The following ARID4B variants were observed in gnomAD, a reference collection of about 807,000 sequenced individuals.
The protein encoded by ARID4B is AT-rich interactive domain-containing protein 4B.
A neutral mutation model predicts 147.5 loss-of-function variants in ARID4B; 26 were observed. The ratio of observed to expected loss-of-function variants is 0.18; its 90% CI spans 0.13 to 0.24. ARID4B has a LOEUF of 0.24. ARID4B is among the 10% of genes least tolerant of loss of function. The pLI, the probability that ARID4B is intolerant of heterozygous loss-of-function variation, is 1.00. For synonymous variants in ARID4B, 512 were observed against 507.9 expected, an observed-to-expected ratio of 1.01 and a Z score of -0.11; for missense variants, 1,179 against 1,511.5, an observed-to-expected ratio of 0.78 and a Z score of 3.65.
Position 235,236,831 on chromosome 1 carries a change from AAAATAT to A in ARID4B, c.586-2345_586-2340del, listed in dbSNP as rs1324287334. Reference sequence around the variant, plus strand: ...CCTGGCCCACAAAACGGTTTTATAAAAAATATATATATATATATATATATATATATA... The same window carrying A: ...CCTGGCCCACAAAACGGTTTTATAAAATATATATATATATATATATATATA... On this transcript the variant is annotated intron_variant, in intron 8 of 23. Coordinates refer to ENST00000264183, the MANE Select transcript of ARID4B (RefSeq NM_016374.6). 1.3e-3 allele frequency among the ~76,000 whole-genome samples: 35 copies of A among 27,512 alleles called. 2 individuals carry two copies. The highest frequency in any genetic ancestry group is 4.9e-3 in the African/African-American group (30 of 6,110). The allele number at this position is 27,512 out of a possible 152,430, so 18.0% of individuals were successfully genotyped here.
intron 12 of ARID4B, among the ~76,000 whole-genome samples, chr1:235,224,161 C>T (rs1667679705): frequency 6.6e-6 from 1 of 152,126 alleles, no homozygotes; most frequent in African/African-American, 2.4e-5. Flanking sequence ...CCTTCCCTTC[C>T]AGCTAGAAAG....
intron 2 of ARID4B, among the ~76,000 whole-genome samples, chr1:235,284,680 C>T (rs1257833549): frequency 6.6e-6 from 1 of 151,982 alleles, no homozygotes; most frequent in African/African-American, 2.4e-5. Flanking sequence ...TGGAATTATT[C>T]CCAACTCATT....
intron 2 of ARID4B, among the ~76,000 whole-genome samples, chr1:235,273,893 A>G (rs1336338129): frequency 1.3e-5 from 2 of 152,214 alleles, no homozygotes; most frequent in South Asian, 2.1e-4. Context: ...GGAGAGATCA[A>G]TGTTGCCTCA....
chr1:235,210,874 A>G (rs1386952915), intron 17 of ARID4B, among the ~76,000 whole-genome samples: 1 of 136,012 alleles, frequency 7.4e-6, no homozygotes, highest in African/African-American at 2.5e-5. Flanking sequence ...CTAAATTACT[A>G]GAGATTCTTT....
At chr1:235,325,881 C>A (rs1675198790) in intron 2 of ARID4B, among the ~76,000 whole-genome samples, 1 of 152,202 alleles carries the variant, frequency 6.6e-6, no homozygotes, top group African/African-American at 2.4e-5. Context: ...ACAAGTATTA[C>A]AAATTTTAAT....
intron 2 of ARID4B, among the ~76,000 whole-genome samples, chr1:235,277,891 C>T (rs1671440642): frequency 6.6e-6 from 1 of 152,036 alleles, no homozygotes; most frequent in Non-Finnish European, 1.5e-5. Flanking sequence ...CCTGACTCTC[C>T]ATATGCACCT....
chr1:235,215,896 A>G (rs1571998247), intron 16 of ARID4B, among the ~76,000 whole-genome samples: 1 of 151,846 alleles, frequency 6.6e-6, no homozygotes, highest in Admixed American at 6.6e-5. Context: ...CCTGATGAAT[A>G]TAATATTTAT....
chr1:235,202,426 T>A (rs1327528534), intron 17 of ARID4B, among the ~76,000 whole-genome samples: 1 of 151,516 alleles, frequency 6.6e-6, no homozygotes, highest in South Asian at 2.1e-4. Flanking sequence ...TCTGATAATA[T>A]TTCTATTGAG....
At position 235,221,608 on chromosome 1, in the gene ARID4B, A is replaced by C; in HGVS notation, c.1120T>G (p.Leu374Val). Residue 374 changes from leucine (L) to valine (V), a missense_variant, in exon 14 of 24, where the codon TTA becomes GTA. Transcript: ENST00000264183. ...QVYQDLGIPVLNSAAGYNVKC... is the reference protein window; with the variant it reads ...QVYQDLGIPVVNSAAGYNVKC... ...ACATTGTATCCTGCAGCTGAATTTAAGACAGGGATTCCAAGATCTTGGTAG... is the reference window on the plus strand; with the variant it reads ...ACATTGTATCCTGCAGCTGAATTTACGACAGGGATTCCAAGATCTTGGTAG... The C allele has an allele frequency of 6.2e-7, 1 of 1,612,066 alleles. No homozygotes were observed. The highest frequency in any genetic ancestry group is 8.5e-7 in the Non-Finnish European group (1 of 1,178,772).
chr1:235,212,629 T>G (rs1355035713), intron 17 of ARID4B, among the ~76,000 whole-genome samples: 1 of 152,122 alleles, frequency 6.6e-6, no homozygotes, highest in Non-Finnish European at 1.5e-5. Flanking sequence ...ATAGTATAAT[T>G]TATTTAAAAC....
intron 2 of ARID4B, among the ~76,000 whole-genome samples, chr1:235,271,170 T>C (rs139441697): frequency 4.1e-4 from 62 of 151,674 alleles, no homozygotes; most frequent in African/African-American, 1.3e-3. Context: ...CTGGGCAACA[T>C]AGCGAGACTT....
intron 2 of ARID4B, among the ~76,000 whole-genome samples, chr1:235,272,002 T>C (rs559988640): frequency 6.6e-6 from 1 of 152,118 alleles, no homozygotes; most frequent in South Asian, 2.1e-4. Flanking sequence ...ACCAAGTTTT[T>C]AATCGTGTTT....
Position 235,216,498 on chromosome 1 carries a change from C to T in ARID4B, c.1584-2472G>A, listed in dbSNP as rs114288818. Among the ~76,000 whole-genome samples, 138 of 152,174 alleles carry T rather than the reference C, an allele frequency of 9.1e-4. 2 individuals carry two copies. Among genetic ancestry groups the T allele is most frequent in the African/African-American group, 3.1e-3 (127 of 41,528 alleles). ...AATAAGCTGGGACTACATGCCACTA[C>T]GCTCTGCTGATTTTTTGTATTTTTA... On this transcript the variant is annotated intron_variant, in intron 16 of 23. Coordinates refer to ENST00000264183, the MANE Select transcript of ARID4B (RefSeq NM_016374.6).
rs564650166 is a variant in ARID4B at position 235,313,662 on chromosome 1, A to G, written c.6+13252T>C. ...CTTCAGTAGTTCACCTAATCCATAAATAACCCTCTAGGCTTGGAAGTAAAA... is the reference window on the plus strand; with the variant it reads ...CTTCAGTAGTTCACCTAATCCATAAGTAACCCTCTAGGCTTGGAAGTAAAA... On this transcript the variant is annotated intron_variant, in intron 2 of 23. Coordinates refer to ENST00000264183, the MANE Select transcript of ARID4B (RefSeq NM_016374.6). Among the ~76,000 whole-genome samples, 3 of 152,382 alleles carry G rather than the reference A, an allele frequency of 2.0e-5. No homozygotes were observed. The East Asian group carries it at 5.8e-4, about 29-fold the overall frequency.
intron 2 of ARID4B, among the ~76,000 whole-genome samples, chr1:235,318,709 CACT>C (rs1674613643): frequency 6.6e-6 from 1 of 151,984 alleles, no homozygotes; most frequent in Admixed American, 6.6e-5. Context: ...AGTGAGACTT[CACT>C]ACTACAAAAA....
intron 7 of ARID4B, among the ~76,000 whole-genome samples, chr1:235,241,118 T>C (rs60650583): frequency 0.13 from 19,973 of 152,122 alleles, 1,528 homozygotes; most frequent in African/African-American, 0.2. Context: ...AACCATCAAC[T>C]TGATGTTTGA....
At chr1:235,187,766 T>C (rs1664796065) in intron 19 of ARID4B, among the ~76,000 whole-genome samples, 1 of 152,072 alleles carries the variant, frequency 6.6e-6, no homozygotes, top group African/African-American at 2.4e-5. Flanking sequence ...ATATTTGAAA[T>C]GTCTTCAATT....
In ARID4B at chr1:235,182,626, C is replaced by G; in HGVS notation, c.2293G>C (p.Val765Leu). ...TTGGATATTACCAAATCTGCATGAA[C>G]TTTGTTTTCTTCTAGCAAAGATGAA... is the stretch of plus-strand genomic sequence containing the variant. ...NSSSLLEENK[V>L]HADLVISKPV... The change falls in exon 20 of 24, where the codon GTT (valine) becomes CTT (leucine). Residue 765 changes from valine to leucine, a missense_variant. Physicochemically the swap from Val to Leu is conservative, Grantham distance 32. Coordinates refer to ENST00000264183, the MANE Select transcript of ARID4B (RefSeq NM_016374.6). 1.2e-6 allele frequency: 2 copies of G among 1,613,548 alleles called. No individual in the cohort carries two copies. The highest frequency in any genetic ancestry group is 1.7e-6 in the Non-Finnish European group (2 of 1,179,940).
intron 7 of ARID4B, 121 bp from the exon 8 acceptor site, chr1:235,240,572 T>G (rs1668917492): frequency 1.2e-6 from 1 of 843,470 alleles, no homozygotes; most frequent in South Asian, 1.6e-5. Flanking sequence ...AATGGCTAAT[T>G]TAAATCTTAA....
Sources: allele counts gnomAD v4.1 joint callset (sites outside exome capture counted in the v4.1 genomes callset), GRCh38; gene constraint gnomAD v4.1.1; transcripts MANE v1.5; gene names NCBI Gene and HGNC (gene_info 2026-07-23, HGNC 2026-07-21).